The following DLC1 variants were observed in gnomAD, a reference collection of about 807,000 sequenced individuals.
DLC1 encodes rho GTPase-activating protein 7.
In DLC1, 54 loss-of-function variants were observed where a neutral mutation model predicts 140.3. The ratio of observed to expected loss-of-function variants is 0.38; its 90% confidence interval spans 0.31 to 0.48. The LOEUF is 0.48. DLC1 is among the 20% of genes least tolerant of loss of function. The probability of loss-of-function intolerance (pLI) is 0.96; values close to 1 mark genes in which losing one functional copy is unlikely to be tolerated. For missense variants in DLC1, 2,536 were observed against 1,907.0 expected, an observed-to-expected ratio of 1.33 and a Z score of -6.14; for synonymous variants, 986 against 728.1, an observed-to-expected ratio of 1.35 and a Z score of -5.70.
chr8:13,120,735 G>C (rs1019531575), intron 5 of DLC1, among the ~76,000 whole-genome samples: 1 of 152,154 alleles, frequency 6.6e-6, no homozygotes, highest in Non-Finnish European at 1.5e-5. Context: ...AACAGCTTTA[G>C]TCAAAGTCAT....
In DLC1 at chr8:13,429,658, TACTC is replaced by T. The variant is rs1467558642; in HGVS notation, c.1024-28043_1024-28040del. On this transcript the variant is annotated intron_variant, in intron 2 of 17. Transcript: ENST00000276297. Reference sequence around the variant, plus strand: ...CATGTCAGTGCAGGGAACATAGTGATACTCAGTAAGTATATTTTTATTTATTGGC... The same window carrying T: ...CATGTCAGTGCAGGGAACATAGTGATAGTAAGTATATTTTTATTTATTGGC... Among the ~76,000 whole-genome samples the T allele has an allele frequency of 3.3e-5, 5 of 152,226 alleles. No homozygotes were observed. In the South Asian group the frequency reaches 8.3e-4, roughly 25 times the overall value.
intron 5 of DLC1, among the ~76,000 whole-genome samples, chr8:13,272,773 C>A (rs1830993969): frequency 1.3e-5 from 2 of 152,142 alleles, no homozygotes; most frequent in African/African-American, 4.8e-5. Context: ...GCTCGGGAGG[C>A]TGAGGCAAGA....
At chr8:13,205,726 C>A (rs1262782101) in intron 5 of DLC1, among the ~76,000 whole-genome samples, 4 of 152,120 alleles carry the variant, frequency 2.6e-5, no homozygotes, top group Non-Finnish European at 5.9e-5. Context: ...GTGGGTTGGA[C>A]AAGCTTGATT....
chr8:13,437,922 T>C lies in DLC1; in HGVS notation c.1024-36303A>G, dbSNP rs150714706. Among the ~76,000 whole-genome samples the C allele has an allele frequency of 2.0e-5, 3 of 152,182 alleles. No homozygotes were observed. The East Asian group carries it at 5.8e-4, about 29-fold the overall frequency. On this transcript the variant is annotated intron_variant, in intron 2 of 17. Transcript: ENST00000276297. ...AGACTAATGGGTCCCTGATTTGATT[T>C]TAAAACTGTCCAGGAAACTAAAAAA...
chr8:13,090,058 G>A (rs1322894611), intron 15 of DLC1, among the ~76,000 whole-genome samples, 194 bp downstream of exon 15: 1 of 152,194 alleles, frequency 6.6e-6, no homozygotes, highest in Non-Finnish European at 1.5e-5. Context: ...TGTTACACAG[G>A]AAGAAAATTA....
At chr8:13,588,928 A>C (rs1563460653) in intron 1 of DLC1, among the ~76,000 whole-genome samples, 1 of 152,156 alleles carries the variant, frequency 6.6e-6, no homozygotes, top group Non-Finnish European at 1.5e-5. Flanking sequence ...AAGCTACATT[A>C]CCCCAAGGCA....
chr8:13,234,975 AG>A (rs1454941536), intron 5 of DLC1, among the ~76,000 whole-genome samples: 57 of 152,222 alleles, frequency 3.7e-4, no homozygotes, highest in African/African-American at 1.3e-3. Context: ...GACTGATTCT[AG>A]GGCCTGTAGC....
rs1491502803 is a variant in DLC1, at chr8:13,496,785, C to CTTTTTTTTTTTTTTT, written c.1023+2263_1023+2264insAAAAAAAAAAAAAAA. On this transcript the variant is annotated intron_variant, in intron 2 of 17. Coordinates refer to ENST00000276297, the MANE Select transcript of DLC1 (RefSeq NM_182643.3). The stretch of plus-strand genomic sequence containing the variant: ...TAATTAACAAATTCTTAGACCATTT[C>CTTTTTTTTTTTTTTT]CTTTTTTTTTTTTTTTTTTTTTTTT... 3.8e-3 allele frequency among the ~76,000 whole-genome samples: 33 copies of CTTTTTTTTTTTTTTT among 8,640 alleles called. 12 individuals are homozygous for CTTTTTTTTTTTTTTT. Among genetic ancestry groups the CTTTTTTTTTTTTTTT allele is most frequent in the Admixed American group, 8.4e-3 (12 of 1,434 alleles). 5.7% of individuals were successfully genotyped at this position (8,640 alleles called of 152,430 possible).
intron 1 of DLC1, among the ~76,000 whole-genome samples, chr8:13,579,646 T>C (rs138538864): frequency 0.032 from 4,353 of 137,468 alleles, 131 homozygotes; most frequent in East Asian, 0.14. Flanking sequence ...TTTAATATAT[T>C]ATAAAAAATA....
intron 5 of DLC1, among the ~76,000 whole-genome samples, chr8:13,259,343 T>G (rs74509364): frequency 1.3e-5 from 2 of 152,022 alleles, no homozygotes; most frequent in African/African-American, 4.8e-5. Context: ...ACCACAGTGA[T>G]TTGAATTTTA....
At chr8:13,229,212 A>T (rs536442297) in intron 5 of DLC1, among the ~76,000 whole-genome samples, 1 of 152,222 alleles carries the variant, frequency 6.6e-6, no homozygotes, top group Admixed American at 6.5e-5. Context: ...GGATAAATGG[A>T]TGAAGTGTGG....
rs1831995911 is a variant in DLC1, at chr8:13,297,282, T to TAAAAAAAAAAAAAACAAAAAAAAA, written c.1348+7986_1348+7987insTTTTTTTTTGTTTTTTTTTTTTTT. Among the ~76,000 whole-genome samples the TAAAAAAAAAAAAAACAAAAAAAAA allele has an allele frequency of 3.1e-4, 3 of 9,636 alleles. 1 individual carries two copies. Among genetic ancestry groups the TAAAAAAAAAAAAAACAAAAAAAAA allele is most frequent in the African/African-American group, 1.1e-3 (3 of 2,790 alleles). 6.3% of individuals were successfully genotyped at this position (9,636 alleles called of 152,430 possible). On this transcript the variant is annotated intron_variant, in intron 5 of 17. Coordinates refer to ENST00000276297, the MANE Select transcript of DLC1 (RefSeq NM_182643.3). ...CAGGCAAGCAGAGGCCTTCATACAT[T>TAAAAAAAAAAAAAACAAAAAAAAA]AAAAAAAAAAAAAACTGAAGCAAGT...
At chr8:13,426,060 G>A (rs1838560147) in intron 2 of DLC1, among the ~76,000 whole-genome samples, 1 of 152,104 alleles carries the variant, frequency 6.6e-6, no homozygotes, top group African/African-American at 2.4e-5. Flanking sequence ...CAATCCTCCT[G>A]CCTTGCCCTC....
intron 5 of DLC1, among the ~76,000 whole-genome samples, chr8:13,228,512 G>A (rs1585959274): frequency 1.3e-5 from 2 of 152,150 alleles, no homozygotes; most frequent in African/African-American, 4.8e-5. Flanking sequence ...GGAGGCTGAG[G>A]TGGGAGGATT....
chr8:13,578,080 C>A (rs1035770596), intron 1 of DLC1, among the ~76,000 whole-genome samples: 4 of 151,964 alleles, frequency 2.6e-5, no homozygotes, highest in Admixed American at 6.6e-5. Flanking sequence ...GGTTGCATTT[C>A]TCTGTGCGTC....
At chr8:13,540,336 A>C (rs73210064) in intron 1 of DLC1, among the ~76,000 whole-genome samples, 20,675 of 152,246 alleles carry the variant, frequency 0.14, 1,671 homozygotes, top group Middle Eastern at 0.25. Context: ...AATGGGCTTA[A>C]ATTTAAACTA....
chr8:13,134,174 G>A (rs1822377684), intron 5 of DLC1, among the ~76,000 whole-genome samples: 1 of 152,212 alleles, frequency 6.6e-6, no homozygotes, highest in Admixed American at 6.5e-5. Flanking sequence ...CTAATGTGAA[G>A]GGATCACAGC....
At chr8:13,255,038 G>A (rs530186036) in intron 5 of DLC1, among the ~76,000 whole-genome samples, 12 of 151,724 alleles carry the variant, frequency 7.9e-5, no homozygotes, top group African/African-American at 1.7e-4. Context: ...GTGCAGTGGC[G>A]CAATCTCGGC....
At chr8:13,209,615 G>A (rs1440120400) in intron 5 of DLC1, among the ~76,000 whole-genome samples, 3 of 152,102 alleles carry the variant, frequency 2.0e-5, no homozygotes, top group Non-Finnish European at 4.4e-5. Flanking sequence ...TGGAGTGTTC[G>A]GGTCTTGGGG....
Sources: gnomAD v4.1 joint callset for allele counts (sites outside exome capture counted in the v4.1 genomes callset) on GRCh38, gnomAD v4.1.1 for gene constraint, MANE v1.5 for transcripts, NCBI Gene and HGNC (gene_info 2026-07-23, HGNC 2026-07-21) for gene names.